LCP2: variants seen among roughly 807,000 people sequenced by gnomAD.
The protein encoded by LCP2 is lymphocyte cytosolic protein 2.
LCP2 carries 29 observed loss-of-function variants against 74.5 expected under a neutral mutation model. That is an observed-to-expected ratio of 0.39 (90% CI 0.29 to 0.53). The LOEUF (loss-of-function observed/expected upper bound fraction) is 0.53, where lower values mean the gene tolerates loss of function less well. Ranked by LOEUF, LCP2 falls within the 20% of genes least tolerant of loss-of-function variation. The pLI, the probability that LCP2 is intolerant of heterozygous loss-of-function variation, is 0.72. For synonymous variants in LCP2, 228 were observed against 229.5 expected (o/e 0.99, Z 0.06); for missense variants, 604 against 634.6 (o/e 0.95, Z 0.52).
intron 1 of LCP2, among the ~76,000 whole-genome samples, chr5:170,294,752 G>T (rs987596774): frequency 2.0e-5 from 3 of 152,208 alleles, no homozygotes; most frequent in Non-Finnish European, 2.9e-5. Context: ...TTTATCTACA[G>T]GCAGTGGGGG....
At chr5:170,254,148 G>A (rs576073590) in intron 17 of LCP2, among the ~76,000 whole-genome samples, 1 of 152,240 alleles carries the variant, frequency 6.6e-6, no homozygotes, top group South Asian at 2.1e-4. Flanking sequence ...TACAAGGTAG[G>A]TATTGTCTTC....
chr5:170,270,771 C>A lies in LCP2; in HGVS notation c.471G>T (p.Gln157His). The stretch of plus-strand genomic sequence containing the variant: ...AAGGCTTGGCAGGCAGGATGGAGTT[C>A]TGCAGAGCTTCCTCGTCATTGGAGG... The part of the protein sequence containing the change: ...PPPSNDEEAL[Q>H]NSILPAKPFP... Residue 157 changes from glutamine to histidine, a missense_variant, in exon 7 of 21, where the codon CAG (glutamine) becomes CAT (histidine). By Grantham distance (24) the Gln-to-His change is conservative. Coordinates refer to ENST00000046794, the MANE Select transcript of LCP2 (RefSeq NM_005565.5). 6.2e-7 allele frequency: 1 copy of A among 1,601,728 alleles called. No individual in the cohort carries two copies. The highest frequency in any genetic ancestry group is 8.5e-7 in the Non-Finnish European group (1 of 1,174,368).
chr5:170,286,384 C>G (rs999134328), intron 3 of LCP2, among the ~76,000 whole-genome samples: 7 of 152,214 alleles, frequency 4.6e-5, no homozygotes, highest in African/African-American at 1.7e-4. Context: ...AACATACCTG[C>G]AGTCTGGGAC....
chr5:170,261,422 T>TATATAC (rs1561968715), intron 13 of LCP2, among the ~76,000 whole-genome samples: 7 of 150,256 alleles, frequency 4.7e-5, no homozygotes, highest in South Asian at 2.1e-4. Context: ...TATATATATA[T>TATATAC]ACACACTCTA....
chr5:170,282,652 C>T (rs771932648), intron 3 of LCP2, among the ~76,000 whole-genome samples: 5 of 152,216 alleles, frequency 3.3e-5, no homozygotes, highest in Non-Finnish European at 7.3e-5. Flanking sequence ...GCAAGAATAG[C>T]CAACACTTAT....
chr5:170,269,285 G>A (rs1180853422), intron 7 of LCP2, among the ~76,000 whole-genome samples: 1 of 152,212 alleles, frequency 6.6e-6, no homozygotes, highest in East Asian at 1.9e-4. Context: ...CTTTGACAGG[G>A]AAAGGCCAGG....
intron 1 of LCP2, among the ~76,000 whole-genome samples, chr5:170,294,057 A>C (rs1344163802): frequency 6.6e-6 from 1 of 152,224 alleles, no homozygotes; most frequent in African/African-American, 2.4e-5. Context: ...CACATTTTGC[A>C]GATGGGGAAT....
chr5:170,259,597 A>T (rs998151630), intron 14 of LCP2, among the ~76,000 whole-genome samples: 8 of 152,232 alleles, frequency 5.3e-5, no homozygotes, highest in African/African-American at 1.9e-4. Context: ...GTTAGGCCAG[A>T]TCTGTAATGA....
chr5:170,275,407 T>A (rs1421202950), intron 4 of LCP2, 56 bp from the exon 5 acceptor site: 4 of 1,597,836 alleles, frequency 2.5e-6, no homozygotes, highest in Non-Finnish European at 3.4e-6. Context: ...GGGATCTCCC[T>A]CTTTCCTCAA....
chr5:170,267,046 T>C lies in LCP2; in HGVS notation c.651A>G (p.Glu217=). The part of the protein sequence containing the change: ...SPLPPPQTNH[E]EPSRSRNHKT... ...TGTGGTTTCTGCTTCTGCTGGGTTC[T>C]TCGTGGTTGGTCTGGGGTGGGGGCA... The change falls in exon 9 of 21, where the codon GAA becomes GAG. Residue 217 remains glutamate (E), a synonymous_variant. Transcript: ENST00000046794. The C allele has an allele frequency of 6.2e-7, 1 of 1,613,982 alleles. No homozygotes were observed.
intron 10 of LCP2, 79 bp downstream of exon 10, chr5:170,266,729 G>C: frequency 1.7e-6 from 2 of 1,169,156 alleles, no homozygotes; most frequent in Admixed American, 1.7e-5. Context: ...AAATGAGATG[G>C]TACATGTGAA....
rs919535629 is a variant in LCP2, at chr5:170,248,080, A to G, written c.*617T>C. 1 of 152,364 alleles carries G rather than the reference A, an allele frequency of 6.6e-6. No homozygotes were observed. The highest frequency in any genetic ancestry group is 1.9e-4 in the East Asian group (1 of 5,188). The allele number at this position is 152,364 out of a possible 1,614,324, so 9.4% of individuals were successfully genotyped here. A position where few individuals can be genotyped will look rare whatever the true frequency, so the allele number is the denominator to read the frequency against. On this transcript the variant is annotated 3_prime_UTR_variant, in exon 21 of 21. Transcript: ENST00000046794. The stretch of plus-strand genomic sequence containing the variant: ...AATAAAGTTGTTTTAGGAAACCAAA[A>G]AAGTAAAGCAAAAGACTATTTTAAT...
At chr5:170,263,491 T>C (rs1761698607) in intron 10 of LCP2, among the ~76,000 whole-genome samples, 1 of 152,196 alleles carries the variant, frequency 6.6e-6, no homozygotes, top group South Asian at 2.1e-4. Flanking sequence ...ACTTTTCACT[T>C]GGGGAGAGCA....
Position 170,266,897 on chromosome 5 carries a change from A to G in LCP2, c.689-6T>C. ...GTCTATTGAAGGAGCAGGGACTGGA[A>G]GGGGAAAAGGCTGACATCAATTAAA... On this transcript the variant is annotated splice_region_variant and splice_polypyrimidine_tract_variant and intron_variant, in intron 9 of 20. Transcript: ENST00000046794. The G allele has an allele frequency of 6.2e-7, 1 of 1,611,710 alleles. No homozygotes were observed. The highest frequency in any genetic ancestry group is 8.5e-7 in the Non-Finnish European group (1 of 1,178,504).
At chr5:170,253,852 C>G (rs1024883356) in intron 17 of LCP2, among the ~76,000 whole-genome samples, 1 of 152,128 alleles carries the variant, frequency 6.6e-6, no homozygotes, top group African/African-American at 2.4e-5. Flanking sequence ...AGTGCTTGTG[C>G]CTCATCTTCT....
chr5:170,290,892 G>A (rs315726), intron 2 of LCP2, among the ~76,000 whole-genome samples: 12,673 of 148,846 alleles, frequency 0.085, 742 homozygotes, highest in African/African-American at 0.16. Context: ...CCTTTTCAGT[G>A]GAAAACAAAA....
At chr5:170,277,025 G>A (rs1044978225) in intron 3 of LCP2, among the ~76,000 whole-genome samples, 14 of 140,540 alleles carry the variant, frequency 1.0e-4, no homozygotes, top group Non-Finnish European at 1.8e-4. Context: ...GCAGTGAGCC[G>A]AGATCACACC....
rs1290282534 is a variant in LCP2, at chr5:170,258,237, GC to G, written c.971-72del. Reference sequence around the variant, plus strand: ...TGTCACTAAGAAACATTCCATAACCGCCCCCCAGTTAGAAACAGCTAGTATA... The same window carrying G: ...TGTCACTAAGAAACATTCCATAACCGCCCCCAGTTAGAAACAGCTAGTATA... On this transcript the variant is annotated intron_variant, in intron 15 of 20. Coordinates refer to ENST00000046794, the MANE Select transcript of LCP2 (RefSeq NM_005565.5). The G allele has an allele frequency of 5.1e-4, 779 of 1,528,152 alleles. 3 individuals are homozygous for G. The highest frequency in any genetic ancestry group is 1.7e-4 in the Non-Finnish European group (186 of 1,108,008). 94.7% of individuals were successfully genotyped at this position (1,528,152 alleles called of 1,614,324 possible). A position where few individuals can be genotyped will look rare whatever the true frequency, so the allele number is the denominator to read the frequency against.
intron 1 of LCP2, 92 bp from the exon 2 acceptor site, chr5:170,293,464 C>A: frequency 3.1e-6 from 4 of 1,276,122 alleles, no homozygotes; most frequent in Admixed American, 4.1e-5. Context: ...TAGCACTTTG[C>A]GGTACTTGTG....
Sources: allele counts gnomAD v4.1 joint callset (sites outside exome capture counted in the v4.1 genomes callset), GRCh38; gene constraint gnomAD v4.1.1; transcripts MANE v1.5; gene names NCBI Gene and HGNC (gene_info 2026-07-23, HGNC 2026-07-21).